Variants in TSGA10 observed in about 807,000 individuals in gnomAD.
The protein encoded by TSGA10 is testis specific 10.
TSGA10 carries 43 observed loss-of-function variants against 96.6 expected under a neutral mutation model. The observed-to-expected ratio is 0.44, with a 90% confidence interval of 0.35 to 0.57. The LOEUF (loss-of-function observed/expected upper bound fraction) is 0.57. Ranked by LOEUF, TSGA10 falls within the 20% of genes least tolerant of loss-of-function variation. TSGA10 has a pLI of 0.01. For missense variants in TSGA10, 703 were observed against 834.4 expected (o/e 0.84, Z 1.94); for synonymous variants, 229 against 269.9 (o/e 0.85, Z 1.48).
intron 10 of TSGA10, among the ~76,000 whole-genome samples, chr2:99,103,473 C>T (rs1423704300): frequency 6.6e-6 from 1 of 152,174 alleles, no homozygotes; most frequent in African/African-American, 2.4e-5. Flanking sequence ...CATGCCAGTA[C>T]ACAGGAAAGG....
chr2:99,031,044 GA>G, intron 17 of TSGA10, among the ~76,000 whole-genome samples: 1 of 145,850 alleles, frequency 6.9e-6, no homozygotes, highest in Non-Finnish European at 1.5e-5. Context: ...AAACAATTTT[GA>G]AAAAAAAAGA....
intron 1 of TSGA10, among the ~76,000 whole-genome samples, chr2:99,132,927 G>C (rs2093161760): frequency 6.6e-6 from 1 of 152,170 alleles, no homozygotes; most frequent in African/African-American, 2.4e-5. Flanking sequence ...TTAATCCTGA[G>C]TTCTAATTTG....
At chr2:99,107,914 C>T (rs886710613) in intron 7 of TSGA10, among the ~76,000 whole-genome samples, 2 of 152,166 alleles carry the variant, frequency 1.3e-5, no homozygotes, top group South Asian at 4.1e-4. Context: ...CCCTTCTCCA[C>T]TGACACATAC....
At chr2:99,117,827 G>T in intron 3 of TSGA10, 68 bp from the exon 4 acceptor site, 1 of 772,982 alleles carries the variant, frequency 1.3e-6, no homozygotes, top group Non-Finnish European at 1.6e-6. Flanking sequence ...GCAGCTGTGT[G>T]ACTGGAATCA....
chr2:99,055,860 CAAAA>C (rs59969222), intron 16 of TSGA10, among the ~76,000 whole-genome samples: 3 of 90,788 alleles, frequency 3.3e-5, no homozygotes, highest in Admixed American at 2.3e-4. Flanking sequence ...ATCCAATTAA[CAAAA>C]AAAAAAAAAA....
At chr2:99,017,983 T>C (rs947598681) in intron 20 of TSGA10, among the ~76,000 whole-genome samples, 7 of 152,084 alleles carry the variant, frequency 4.6e-5, no homozygotes, top group African/African-American at 1.7e-4. Flanking sequence ...ATATAATTTA[T>C]GCAAACAGAT....
chr2:99,096,428 G>A (rs2104732243), intron 10 of TSGA10, among the ~76,000 whole-genome samples: 1 of 152,194 alleles, frequency 6.6e-6, no homozygotes, highest in South Asian at 2.1e-4. Context: ...ACGTCTACTG[G>A]GCTGCCTTCA....
At chr2:99,055,419 T>C (rs1423175246) in intron 16 of TSGA10, among the ~76,000 whole-genome samples, 1 of 151,790 alleles carries the variant, frequency 6.6e-6, no homozygotes, top group Non-Finnish European at 1.5e-5. Context: ...CAATAGTTAA[T>C]AATAATGTAC....
At chr2:99,085,634 A>AAAAAAAAAAAAT (rs2088213947) in intron 10 of TSGA10, among the ~76,000 whole-genome samples, 1 of 147,800 alleles carries the variant, frequency 6.8e-6, no homozygotes, top group African/African-American at 2.5e-5. Context: ...AAAAAAAAAA[A>AAAAAAAAAAAAT]GTTGTTTTTT....
chr2:99,110,064 T>C (rs994752480), intron 5 of TSGA10, among the ~76,000 whole-genome samples: 5 of 151,240 alleles, frequency 3.3e-5, no homozygotes, highest in African/African-American at 9.7e-5. Flanking sequence ...ATTTGGGAGG[T>C]TGAGGCAGGA....
At chr2:99,122,658 G>A (rs1307362899) in intron 2 of TSGA10, among the ~76,000 whole-genome samples, 1 of 149,840 alleles carries the variant, frequency 6.7e-6, no homozygotes, top group South Asian at 2.1e-4. Flanking sequence ...AACCATGGTG[G>A]TGCATGCCTG....
rs202183376 is a variant in TSGA10 at position 99,077,126 on chromosome 2, C to T, written c.882+1533G>A. ...AGGCTTTGAGAAGGCGGACCATTCACCTTTTTTTTTTTTTTTTTTTTTTTT... is the reference window on the plus strand; with the variant it reads ...AGGCTTTGAGAAGGCGGACCATTCATCTTTTTTTTTTTTTTTTTTTTTTTT... On this transcript the variant is annotated intron_variant, in intron 12 of 20. Transcript: ENST00000393483. 2.0e-4 allele frequency among the ~76,000 whole-genome samples: 25 copies of T among 124,514 alleles called. No individual in the cohort carries two copies. In the East Asian group the frequency reaches 4.7e-3, roughly 23 times the overall value. 81.7% of individuals were successfully genotyped at this position (124,514 alleles called of 152,430 possible). A position where few individuals can be genotyped will look rare whatever the true frequency, so the allele number is the denominator to read the frequency against.
At chr2:99,108,527 T>G (rs139663334) in intron 7 of TSGA10, among the ~76,000 whole-genome samples, 3 of 152,252 alleles carry the variant, frequency 2.0e-5, no homozygotes, top group African/African-American at 7.2e-5. Context: ...GGATTTGATC[T>G]TTTTACCTTG....
Position 99,105,879 on chromosome 2 carries a change from A to G in TSGA10, c.211-182T>C, listed in dbSNP as rs77852562. Among the ~76,000 whole-genome samples, 25 of 152,358 alleles carry G rather than the reference A, an allele frequency of 1.6e-4. No homozygotes were observed. In the East Asian group the frequency reaches 4.8e-3, roughly 29 times the overall value. On this transcript the variant is annotated intron_variant, in intron 7 of 20. Transcript: ENST00000393483. ...AATGAAAATGAATATATTTAAATAG[A>G]AGTTCATGTTACAACATCTTTGCCA...
intron 20 of TSGA10, among the ~76,000 whole-genome samples, chr2:99,009,040 G>A (rs1186341155): frequency 1.3e-5 from 2 of 152,148 alleles, no homozygotes; most frequent in Non-Finnish European, 2.9e-5. Flanking sequence ...TAAAGAGAAA[G>A]TGACACTTCT....
chr2:99,096,341 G>A (rs1305500252), intron 10 of TSGA10, among the ~76,000 whole-genome samples: 4 of 152,278 alleles, frequency 2.6e-5, no homozygotes, highest in East Asian at 1.9e-4. Flanking sequence ...ATCAGCTTCC[G>A]TGTTTTACCC....
chr2:99,114,142 A>G (rs1464027197), intron 4 of TSGA10, among the ~76,000 whole-genome samples: 1 of 152,240 alleles, frequency 6.6e-6, no homozygotes, highest in Non-Finnish European at 1.5e-5. Flanking sequence ...CTTTAGCCTC[A>G]GACTCTACCT....
chr2:99,072,919 C>T, intron 13 of TSGA10, 99 bp downstream of exon 13: 1 of 809,616 alleles, frequency 1.2e-6, no homozygotes, highest in Non-Finnish European at 2.1e-6. Flanking sequence ...TAGCACCTTA[C>T]ACGTATCATT....
intron 1 of TSGA10, chr2:99,141,176 A>G: frequency 2.4e-6 from 3 of 1,244,142 alleles, no homozygotes; most frequent in Non-Finnish European, 3.1e-6. Flanking sequence ...AGCGGGGGAT[A>G]CAAGAACCGC....
Sources: gnomAD v4.1 joint callset for allele counts (sites outside exome capture counted in the v4.1 genomes callset) on GRCh38, gnomAD v4.1.1 for gene constraint, MANE v1.5 for transcripts, NCBI Gene and HGNC (gene_info 2026-07-23, HGNC 2026-07-21) for gene names.